Variants in CERS5 observed in about 807,000 individuals in gnomAD.
The protein encoded by CERS5 is ceramide synthase 5, also known as LAG1 homolog, ceramide synthase 5.
Under a neutral mutation model 58.9 loss-of-function variants are expected in CERS5, and 37 were observed. That is an observed-to-expected ratio of 0.63 (90% CI 0.48 to 0.83). The LOEUF is 0.83. Ranked by LOEUF, CERS5 falls within the 40% of genes least tolerant of loss-of-function variation. The pLI, the probability that CERS5 is intolerant of heterozygous loss-of-function variation, is 0.00. For synonymous variants in CERS5, 147 were observed against 177.8 expected, an observed-to-expected ratio of 0.83 and a Z score of 1.38; for missense variants, 398 against 489.3, an observed-to-expected ratio of 0.81 and a Z score of 1.76.
intron 9 of CERS5, chr12:50,133,837 G>A: frequency 4.8e-6 from 4 of 835,448 alleles, no homozygotes; most frequent in Non-Finnish European, 5.8e-6. Context: ...ACTTCGGGAG[G>A]CCAAGGTGGG....
At chr12:50,134,403 A>G (rs1374316950) in intron 9 of CERS5, 143 bp downstream of exon 9, 2 of 1,591,232 alleles carry the variant, frequency 1.3e-6, no homozygotes, top group South Asian at 2.2e-5. Flanking sequence ...CACTTACCGA[A>G]GAGGCGAAGA....
At chr12:50,163,528 T>A (rs888192894) in intron 1 of CERS5, among the ~76,000 whole-genome samples, 1 of 152,062 alleles carries the variant, frequency 6.6e-6, no homozygotes, top group African/African-American at 2.4e-5. Context: ...TGCCTTCTAT[T>A]GCATTCTACA....
At chr12:50,157,836 G>A (rs956009244) in intron 1 of CERS5, among the ~76,000 whole-genome samples, 10 of 152,086 alleles carry the variant, frequency 6.6e-5, no homozygotes, top group African/African-American at 2.4e-4. Flanking sequence ...TTGGAAGGCC[G>A]AGGTGGAAGC....
intron 1 of CERS5, among the ~76,000 whole-genome samples, chr12:50,155,351 T>C (rs1938446062): frequency 6.6e-6 from 1 of 151,960 alleles, no homozygotes; most frequent in Admixed American, 6.6e-5. Context: ...ATACAAGGTA[T>C]TGCACTTTTC....
intron 1 of CERS5, among the ~76,000 whole-genome samples, chr12:50,164,547 A>C (rs1443968499): frequency 6.6e-6 from 1 of 152,220 alleles, no homozygotes; most frequent in African/African-American, 2.4e-5. Flanking sequence ...TAAAAGAAAC[A>C]AAATAGCAAG....
Position 50,143,121 on chromosome 12 carries a change from C to G in CERS5, c.387G>C (p.Arg129=). ...VRKIQCWFRH[R]RNQDKPPTLT... is the part of the protein sequence containing the mutation. ...GCGTTGGGGGCTTGTCCTGATTCCT[C>G]CGATGGCGAAACCAGCATTGGATTT... The change falls in exon 3 of 10, where the codon CGG becomes CGC. Residue 129 remains arginine, a synonymous_variant. Transcript: ENST00000317551. 6.2e-7 allele frequency: 1 copy of G among 1,613,958 alleles called. No homozygotes were observed. The highest frequency in any genetic ancestry group is 8.5e-7 in the Non-Finnish European group (1 of 1,179,926).
chr12:50,139,519 C>T (rs375586200), intron 4 of CERS5, among the ~76,000 whole-genome samples: 9 of 149,920 alleles, frequency 6.0e-5, no homozygotes, highest in African/African-American at 2.2e-4. Context: ...ACAGGCCAGG[C>T]GTGGTGGCTC....
intron 1 of CERS5, among the ~76,000 whole-genome samples, chr12:50,164,119 C>T (rs1038488068): frequency 1.3e-5 from 2 of 151,514 alleles, no homozygotes; most frequent in African/African-American, 2.4e-5. Context: ...ACCACTATGC[C>T]CAGCTAATTT....
intron 1 of CERS5, among the ~76,000 whole-genome samples, chr12:50,152,084 G>A (rs115811661): frequency 0.011 from 1,624 of 152,102 alleles, 36 homozygotes; most frequent in African/African-American, 0.036. Context: ...TACTCTACAC[G>A]CTCACCCTCA....
At chr12:50,148,486 G>T in intron 1 of CERS5, 1 of 294,156 alleles carries the variant, frequency 3.4e-6, no homozygotes, top group Non-Finnish European at 7.1e-6. Flanking sequence ...AGTCCCAGCT[G>T]CTCAGGAGGC....
intron 1 of CERS5, among the ~76,000 whole-genome samples, chr12:50,156,274 T>G (rs1332354103): frequency 6.8e-6 from 1 of 147,002 alleles, no homozygotes; most frequent in Admixed American, 6.9e-5. Flanking sequence ...TGTGGCAGCG[T>G]GCGCCTGTAG....
intron 1 of CERS5, among the ~76,000 whole-genome samples, chr12:50,159,336 A>G (rs1483686741): frequency 6.6e-6 from 1 of 152,180 alleles, no homozygotes; most frequent in East Asian, 1.9e-4. Flanking sequence ...AAAACAAAAA[A>G]TTACTCAAAA....
chr12:50,145,155 AAAG>A (rs1367782778), intron 1 of CERS5: 1,923 of 134,722 alleles, frequency 0.014, 212 homozygotes, highest in Middle Eastern at 0.037. Context: ...AAAAAAAAAA[AAAG>A]AAGAAGAATA....
chr12:50,157,839 G>A (rs545921278), intron 1 of CERS5, among the ~76,000 whole-genome samples: 13 of 152,250 alleles, frequency 8.5e-5, no homozygotes, highest in African/African-American at 3.1e-4. Flanking sequence ...GAAGGCCGAG[G>A]TGGAAGCATC....
At chr12:50,130,785 G>T in intron 9 of CERS5, 91 bp from the exon 10 acceptor site, 1 of 1,203,966 alleles carries the variant, frequency 8.3e-7, no homozygotes, top group Non-Finnish European at 1.2e-6. Context: ...TGTGTTCCCA[G>T]TCTGGTCTGC....
At chr12:50,160,304 C>CAAA (rs754917459) in intron 1 of CERS5, among the ~76,000 whole-genome samples, 1 of 84,792 alleles carries the variant, frequency 1.2e-5, no homozygotes, top group African/African-American at 5.5e-5. Flanking sequence ...GACTCTGTCT[C>CAAA]AAAAAAAAAA....
chr12:50,143,131 A>G lies in CERS5; in HGVS notation c.377T>C (p.Phe126Ser). The change falls in exon 3 of 10, where the codon TTT becomes TCT. Residue 126 changes from phenylalanine (F) to serine (S), a missense_variant. Physicochemically the swap from Phe to Ser is radical, Grantham distance 155. Coordinates refer to ENST00000317551, the MANE Select transcript of CERS5 (RefSeq NM_147190.5). Reference sequence around the variant, plus strand: ...CTTGTCCTGATTCCTCCGATGGCGAAACCAGCATTGGATTTTTCGGACATT... The same window carrying G: ...CTTGTCCTGATTCCTCCGATGGCGAGACCAGCATTGGATTTTTCGGACATT... ...DWNVRKIQCWFRHRRNQDKPP... is the reference protein window; with the variant it reads ...DWNVRKIQCWSRHRRNQDKPP... 6.2e-7 allele frequency: 1 copy of G among 1,614,042 alleles called. No homozygotes were observed. The highest frequency in any genetic ancestry group is 8.5e-7 in the Non-Finnish European group (1 of 1,179,960).
intron 1 of CERS5, chr12:50,148,601 TA>T: frequency 1.3e-5 from 4 of 312,420 alleles, no homozygotes; most frequent in African/African-American, 2.2e-5. Context: ...GTCTCAATAA[TA>T]AATAAATAAA....
intron 1 of CERS5, among the ~76,000 whole-genome samples, chr12:50,150,856 A>C (rs1327877338): frequency 4.6e-5 from 7 of 152,232 alleles, no homozygotes; most frequent in Admixed American, 4.6e-4. Context: ...GGAGGAAAGA[A>C]GTAGAAATAG....
Sources: gnomAD v4.1 joint callset for allele counts (sites outside exome capture counted in the v4.1 genomes callset) on GRCh38, gnomAD v4.1.1 for gene constraint, MANE v1.5 for transcripts, NCBI Gene and HGNC (gene_info 2026-07-23, HGNC 2026-07-21) for gene names.